The following PRH1 variants were observed in gnomAD, a reference collection of about 807,000 sequenced individuals.
PRH1 encodes salivary acidic proline-rich phosphoprotein 1/2.
PRH1 carries 7 observed loss-of-function variants against 7.9 expected under a neutral mutation model. That is an observed-to-expected ratio of 0.89 (90% CI 0.50 to 1.67). The LOEUF is 1.67. Ranked by LOEUF, PRH1 falls within the 40% of genes most tolerant of loss-of-function variation. The pLI is 0.00. For synonymous variants in PRH1, 45 were observed against 80.8 expected, an observed-to-expected ratio of 0.56 and a Z score of 2.38; for missense variants, 109 against 223.6, an observed-to-expected ratio of 0.49 and a Z score of 3.27.
chr12:11,019,649 A>C (rs1213924434), intron 1 of PRH1, among the ~76,000 whole-genome samples: 2 of 152,292 alleles, frequency 1.3e-5, no homozygotes, highest in Non-Finnish European at 2.9e-5. Context: ...AAAATATCAT[A>C]ATACAAATAT....
chr12:10,937,213 TCTC>T (rs879469458), intron 2 of PRH1, among the ~76,000 whole-genome samples: 1 of 150,144 alleles, frequency 6.7e-6, no homozygotes, highest in Non-Finnish European at 1.5e-5. Flanking sequence ...TTTCTCTCTC[TCTC>T]TCTCTCTCTC....
chr12:10,904,211 A>T (rs1949769472), intron 2 of PRH1, among the ~76,000 whole-genome samples: 1 of 151,962 alleles, frequency 6.6e-6, no homozygotes, highest in African/African-American at 2.4e-5. Flanking sequence ...AAAGAGCCCA[A>T]ATAGCAAAAG....
intron 2 of PRH1, among the ~76,000 whole-genome samples, chr12:10,946,935 T>G (rs555606571): frequency 6.6e-6 from 1 of 152,302 alleles, no homozygotes; most frequent in East Asian, 1.9e-4. Context: ...TGTAATTGTA[T>G]GCTTTAATAA....
intron 1 of PRH1, among the ~76,000 whole-genome samples, chr12:11,081,955 A>G (rs1300939813): frequency 1.1e-5 from 1 of 91,262 alleles, no homozygotes; most frequent in Non-Finnish European, 2.7e-5. Context: ...ATAGTGTTAC[A>G]TGGATTAGTT....
chr12:11,134,921 CAT>C (rs1161350945), intron 1 of PRH1, among the ~76,000 whole-genome samples: 3 of 152,134 alleles, frequency 2.0e-5, no homozygotes, highest in African/African-American at 4.8e-5. Flanking sequence ...CAAACACACA[CAT>C]GTGCACACCA....
At chr12:11,100,613 T>C (rs1278536141) in intron 1 of PRH1, among the ~76,000 whole-genome samples, 1 of 152,210 alleles carries the variant, frequency 6.6e-6, no homozygotes, top group Non-Finnish European at 1.5e-5. Flanking sequence ...TTTAACAATC[T>C]TTAAAACATC....
chr12:11,141,568 C>G (rs1483393466), intron 1 of PRH1, among the ~76,000 whole-genome samples: 2 of 152,134 alleles, frequency 1.3e-5, no homozygotes, highest in African/African-American at 2.4e-5. Flanking sequence ...ATGCTCCAGA[C>G]AGACCTCATT....
chr12:10,953,301 T>C (rs1378237696), intron 2 of PRH1, among the ~76,000 whole-genome samples: 2 of 151,932 alleles, frequency 1.3e-5, no homozygotes, highest in Non-Finnish European at 2.9e-5. Context: ...AGACCATGGA[T>C]AGGAACAAAG....
chr12:11,058,374 G>A (rs1204192182), intron 1 of PRH1, among the ~76,000 whole-genome samples: 1 of 152,210 alleles, frequency 6.6e-6, no homozygotes, highest in Non-Finnish European at 1.5e-5. Flanking sequence ...GACAACATAG[G>A]TGATGTTTTC....
chr12:10,946,901 C>G (rs1271548454), intron 2 of PRH1, among the ~76,000 whole-genome samples: 1 of 152,004 alleles, frequency 6.6e-6, no homozygotes, highest in Non-Finnish European at 1.5e-5. Context: ...AAAAGTCATC[C>G]AGGAGCATGA....
chr12:10,938,935 C>G (rs1950343760), intron 2 of PRH1: 1 of 1,613,820 alleles, frequency 6.2e-7, no homozygotes, highest in African/African-American at 1.3e-5. Flanking sequence ...AATGATTGAT[C>G]ACTGTCCAGA....
At position 11,030,494 on chromosome 12, in the gene PRH1, C is replaced by A. The variant is rs1277471958; in HGVS notation, c.-126+16526G>T. The A allele has an allele frequency of 1.9e-6, 3 of 1,614,124 alleles. No homozygotes were observed. The African/African-American group carries it at 4.0e-5, about 22-fold the overall frequency. On this transcript the variant is annotated intron_variant, in intron 1 of 3. Coordinates refer to the PRH1 transcript ENST00000539853. Reference sequence around the variant, plus strand: ...AGTCTGCTTTAGCTTCTTGTTTCCCCAAATCAGGATGAATGGGTGGATTGA... The same window carrying A: ...AGTCTGCTTTAGCTTCTTGTTTCCCAAAATCAGGATGAATGGGTGGATTGA...
intron 1 of PRH1, among the ~76,000 whole-genome samples, chr12:11,102,818 T>C (rs1325418034): frequency 3.3e-5 from 5 of 152,148 alleles, no homozygotes; most frequent in Non-Finnish European, 7.3e-5. Flanking sequence ...ATCCAGAATC[T>C]ACAAAGAACT....
At chr12:11,163,101 T>C (rs1947465028) in intron 1 of PRH1, among the ~76,000 whole-genome samples, 1 of 152,320 alleles carries the variant, frequency 6.6e-6, no homozygotes, top group East Asian at 1.9e-4. Context: ...TTACGTATAG[T>C]GTTCACTTCA....
At chr12:10,943,055 G>A (rs1471357652) in intron 2 of PRH1, among the ~76,000 whole-genome samples, 1 of 152,218 alleles carries the variant, frequency 6.6e-6, no homozygotes, top group Admixed American at 6.5e-5. Context: ...TATTTGGGGT[G>A]TCTCCCAGGT....
chr12:11,120,613 G>A (rs1038273395), downstream of PRH1, among the ~76,000 whole-genome samples: 8 of 151,690 alleles, frequency 5.3e-5, no homozygotes, highest in Admixed American at 3.9e-4. Flanking sequence ...TTTCAGTATC[G>A]GCCTATTTTG....
At chr12:11,022,194 C>A (rs1469886795) in intron 1 of PRH1, 1 of 1,614,114 alleles carries the variant, frequency 6.2e-7, no homozygotes, top group Non-Finnish European at 8.5e-7. Context: ...GAACAACACT[C>A]TTAATTCTCT....
intron 2 of PRH1, among the ~76,000 whole-genome samples, chr12:10,945,340 A>T (rs1031776496): frequency 1.3e-5 from 2 of 152,098 alleles, no homozygotes; most frequent in African/African-American, 4.8e-5. Context: ...TATTTTCCCT[A>T]AGTGTCAGCC....
At chr12:10,929,449 A>T in intron 2 of PRH1, 1 of 1,331,790 alleles carries the variant, frequency 7.5e-7, no homozygotes, top group Admixed American at 2.0e-5. Context: ...ATAGGACTGA[A>T]GAGTTCTCAT....
Sources: allele counts gnomAD v4.1 joint callset (sites outside exome capture counted in the v4.1 genomes callset), GRCh38; gene constraint gnomAD v4.1.1; transcripts MANE v1.5; gene names NCBI Gene and HGNC (gene_info 2026-07-23, HGNC 2026-07-21).